The following ATP9B variants were observed in gnomAD, a reference collection of about 807,000 sequenced individuals.
ATP9B encodes the protein ATPase phospholipid transporting 9B, also known as probable phospholipid-transporting ATPase IIB.
In ATP9B, 110 loss-of-function variants were observed where a neutral mutation model predicts 146.1. That is an observed-to-expected ratio of 0.75 (90% CI 0.65 to 0.88). The LOEUF (loss-of-function observed/expected upper bound fraction) is 0.88. ATP9B is among the 40% of genes least tolerant of loss of function. ATP9B has a pLI of 0.00. For missense variants in ATP9B, 1,499 were observed against 1,496.4 expected (o/e 1.00, Z -0.03); for synonymous variants, 604 against 569.7 (o/e 1.06, Z -0.86).
chr18:79,149,414 T>C (rs1313615790), intron 6 of ATP9B, among the ~76,000 whole-genome samples: 2 of 151,712 alleles, frequency 1.3e-5, no homozygotes, highest in Non-Finnish European at 2.9e-5. Flanking sequence ...GCGCTGGGCA[T>C]CCTGAGGTTT....
chr18:79,108,997 A>G (rs963286129), intron 2 of ATP9B, among the ~76,000 whole-genome samples: 5 of 152,370 alleles, frequency 3.3e-5, no homozygotes, highest in African/African-American at 4.8e-5. Flanking sequence ...GTGGCACTCC[A>G]GCATGGGAGA....
At chr18:79,356,093 C>T (rs2096950969) in intron 25 of ATP9B, among the ~76,000 whole-genome samples, 1 of 152,208 alleles carries the variant, frequency 6.6e-6, no homozygotes, top group Non-Finnish European at 1.5e-5. Flanking sequence ...GGCGCAGAGA[C>T]GGCCACCCTG....
chr18:79,126,424 C>T, intron 5 of ATP9B, 49 bp downstream of exon 5: 1 of 1,257,970 alleles, frequency 7.9e-7, no homozygotes, highest in Non-Finnish European at 1.1e-6. Context: ...CTGTAATTAT[C>T]ATTTTAGAGT....
At chr18:79,329,041 G>C in intron 15 of ATP9B, 100 bp from the exon 16 acceptor site, 1 of 1,268,774 alleles carries the variant, frequency 7.9e-7, no homozygotes, top group East Asian at 2.8e-5. Flanking sequence ...TTCTGCAGCT[G>C]TCTCATGTTG....
intron 5 of ATP9B, among the ~76,000 whole-genome samples, chr18:79,129,989 G>C (rs1300821445): frequency 6.6e-6 from 1 of 152,118 alleles, no homozygotes; most frequent in East Asian, 1.9e-4. Flanking sequence ...TGATCCACTT[G>C]CCTTGGCCTC....
chr18:79,121,221 C>G (rs536798612), intron 4 of ATP9B, among the ~76,000 whole-genome samples: 2 of 152,210 alleles, frequency 1.3e-5, no homozygotes. Context: ...TGGACTAGCT[C>G]CGCATTGTTC....
chr18:79,315,568 C>T (rs1280241253), intron 15 of ATP9B, among the ~76,000 whole-genome samples: 3 of 152,112 alleles, frequency 2.0e-5, no homozygotes, highest in African/African-American at 2.4e-5. Flanking sequence ...TACAGTGTAG[C>T]GGGTAGCTGC....
At chr18:79,375,106 T>C (rs1373833142) in intron 28 of ATP9B, among the ~76,000 whole-genome samples, 1 of 152,234 alleles carries the variant, frequency 6.6e-6, no homozygotes, top group Admixed American at 6.5e-5. Flanking sequence ...GCGTGCGCCT[T>C]CTGTGCTGAG....
chr18:79,252,174 C>CA (rs1442141089), intron 11 of ATP9B, among the ~76,000 whole-genome samples: 1 of 152,242 alleles, frequency 6.6e-6, no homozygotes. Context: ...TAGCAGCACA[C>CA]ATGGGGGGCG....
At chr18:79,145,526 G>A (rs536349668) in intron 6 of ATP9B, 9 of 92,232 alleles carry the variant, frequency 9.8e-5, no homozygotes, top group African/African-American at 4.9e-4. Flanking sequence ...GGTGTGCAGA[G>A]TGACTGAAGG....
chr18:79,194,835 G>A (rs2095403920), intron 9 of ATP9B, among the ~76,000 whole-genome samples: 1 of 152,260 alleles, frequency 6.6e-6, no homozygotes, highest in East Asian at 1.9e-4. Flanking sequence ...GGATGGTGCA[G>A]CAGAAGGAGA....
At chr18:79,359,939 C>T (rs544629828) in intron 26 of ATP9B, 12 of 174,390 alleles carry the variant, frequency 6.9e-5, no homozygotes, top group Non-Finnish European at 1.5e-4. Context: ...TCAGAATTAT[C>T]CCTGAAAAGT....
chr18:79,265,644 G>T (rs543723457), intron 12 of ATP9B, among the ~76,000 whole-genome samples: 85 of 152,122 alleles, frequency 5.6e-4, no homozygotes, highest in African/African-American at 1.8e-3. Flanking sequence ...TCTGTAGGTT[G>T]TCTGTTCACT....
intron 4 of ATP9B, among the ~76,000 whole-genome samples, chr18:79,113,556 A>G (rs2094010600): frequency 6.6e-6 from 1 of 152,216 alleles, no homozygotes; most frequent in Non-Finnish European, 1.5e-5. Flanking sequence ...ACCTGCCTGT[A>G]GAGCTGCCAA....
chr18:79,159,353 C>T (rs1032278944), intron 7 of ATP9B, among the ~76,000 whole-genome samples: 1 of 152,146 alleles, frequency 6.6e-6, no homozygotes, highest in Non-Finnish European at 1.5e-5. Flanking sequence ...CCTGCCTGAT[C>T]AGCTTTACAG....
chr18:79,190,511 T>TACACACACCACAC (rs1555739560), intron 8 of ATP9B, among the ~76,000 whole-genome samples: 1 of 143,550 alleles, frequency 7.0e-6, no homozygotes, highest in African/African-American at 2.7e-5. Context: ...TTTTTATTTA[T>TACACACACCACAC]ACACACACAC....
At chr18:79,255,529 G>A (rs2096069163) in intron 12 of ATP9B, among the ~76,000 whole-genome samples, 1 of 152,206 alleles carries the variant, frequency 6.6e-6, no homozygotes, top group African/African-American at 2.4e-5. Flanking sequence ...AGATAGGTTA[G>A]CCATCAAGTG....
chr18:79,279,743 A>G (rs1057013903), intron 13 of ATP9B, among the ~76,000 whole-genome samples: 3 of 152,376 alleles, frequency 2.0e-5, no homozygotes, highest in Admixed American at 6.5e-5. Context: ...ACCGAAATAC[A>G]TAGGCGTACT....
chr18:79,304,463 A>G (rs2096609999), intron 14 of ATP9B, among the ~76,000 whole-genome samples: 1 of 152,224 alleles, frequency 6.6e-6, no homozygotes, highest in Non-Finnish European at 1.5e-5. Context: ...CTAATCGCTT[A>G]TCTGAACATC....
Sources: gnomAD v4.1 joint callset for allele counts (sites outside exome capture counted in the v4.1 genomes callset) on GRCh38, gnomAD v4.1.1 for gene constraint, MANE v1.5 for transcripts, NCBI Gene and HGNC (gene_info 2026-07-23, HGNC 2026-07-21) for gene names.